Variants in ZDHHC8 observed in about 807,000 individuals in gnomAD.
ZDHHC8 encodes palmitoyltransferase ZDHHC8.
ZDHHC8 carries 24 observed loss-of-function variants against 61.2 expected under a neutral mutation model. That is an observed-to-expected ratio of 0.39 (90% confidence interval 0.28 to 0.55). ZDHHC8 has a LOEUF of 0.55. ZDHHC8 is among the 20% of genes least tolerant of loss of function. The pLI is 0.60. For missense variants in ZDHHC8, 935 were observed against 1,102.1 expected (o/e 0.85, Z 2.15); for synonymous variants, 523 against 492.5 (o/e 1.06, Z -0.82).
Position 20,142,984 on chromosome 22 carries a change from C to A in ZDHHC8, c.1354C>A (p.Arg452Ser). Reference protein sequence around the residue: ...GGDHVALQPLRSEGGPPTPHR... With the variant: ...GGDHVALQPLSSEGGPPTPHR... ...GGATCATGTGGCCCTGCAGCCCCTG[C>A]GCTCTGAGGGGGGGCCCCCCACGCC... Residue 452 changes from arginine to serine, a missense_variant, in exon 10 of 11, where the codon CGC becomes AGC. Physicochemically the swap from Arg to Ser is moderately radical, Grantham distance 110 (BLOSUM62 -1). This residue lies in a region of ZDHHC8 where 692 missense variants were observed against 731.4 expected (regional missense o/e 0.95). Transcript: ENST00000334554. The A allele has an allele frequency of 1.6e-5, 25 of 1,605,106 alleles. No homozygotes were observed. Among genetic ancestry groups the A allele is most frequent in the Non-Finnish European group, 2.0e-5 (24 of 1,174,966 alleles).
chr22:20,133,707 G>A (rs2050397176), intron 1 of ZDHHC8, among the ~76,000 whole-genome samples: 1 of 139,488 alleles, frequency 7.2e-6, no homozygotes, highest in South Asian at 2.2e-4. Context: ...GGGTGACAGA[G>A]CAAGACTCTG....
intron 1 of ZDHHC8, among the ~76,000 whole-genome samples, chr22:20,133,138 G>A (rs1235495494): frequency 6.6e-6 from 1 of 152,262 alleles, no homozygotes; most frequent in Non-Finnish European, 1.5e-5. Context: ...GGCTGGGGCT[G>A]GGTGGGCACC....
At position 20,142,823 on chromosome 22, in the gene ZDHHC8, C is replaced by T. The variant is rs1321719679; in HGVS notation, c.1193C>T (p.Pro398Leu). 7 of 1,612,720 alleles carry T rather than the reference C, an allele frequency of 4.3e-6. No individual in the cohort carries two copies. Among genetic ancestry groups the T allele is most frequent in the Admixed American group, 1.7e-5 (1 of 60,008 alleles). Residue 398 changes from proline to leucine, a missense_variant, in exon 10 of 11, where the codon CCG (proline) becomes CTG (leucine). By Grantham distance (98) the Pro-to-Leu change is moderately conservative. Coordinates refer to ENST00000334554, the MANE Select transcript of ZDHHC8 (RefSeq NM_013373.4). ...CGTAGCCTGGACTTTGTGTCCGAGC[C>T]GAGCCTGGACCTCCCTGACTATGGG... Reference protein sequence around the residue: ...SIRSLDFVSEPSLDLPDYGPG... With the variant: ...SIRSLDFVSELSLDLPDYGPG...
Position 20,145,489 on chromosome 22 carries a change from G to A in ZDHHC8, c.*89G>A. The A allele has an allele frequency of 7.4e-7, 1 of 1,345,594 alleles. No individual in the cohort carries two copies. The highest frequency in any genetic ancestry group is 9.5e-7 in the Non-Finnish European group (1 of 1,048,834). 83.4% of individuals were successfully genotyped at this position (1,345,594 alleles called of 1,614,324 possible). ...TCCCCACCAACTTCTCTGCCCCAGG[G>A]ACCCGAGGCCACCCCAGCCTGGTGT... is the stretch of plus-strand genomic sequence containing the variant. On this transcript the variant is annotated 3_prime_UTR_variant, in exon 11 of 11. Coordinates refer to ENST00000334554, the MANE Select transcript of ZDHHC8 (RefSeq NM_013373.4).
chr22:20,145,339 G>T lies in ZDHHC8; in HGVS notation c.2237G>T (p.Arg746Leu). 1 of 1,592,964 alleles carries T rather than the reference G, an allele frequency of 6.3e-7. No homozygotes were observed. Among genetic ancestry groups the T allele is most frequent in the Non-Finnish European group, 8.5e-7 (1 of 1,171,050 alleles). ...GPPGPSASPT[R>L]HTLVKKVSGV... Reference sequence around the variant, plus strand: ...CCAGGGCCCTCTGCCAGCCCTACACGGCACACGCTGGTTAAGAAGGTGTCC... The same window carrying T: ...CCAGGGCCCTCTGCCAGCCCTACACTGCACACGCTGGTTAAGAAGGTGTCC... The change falls in exon 11 of 11, where the codon CGG becomes CTG. Residue 746 changes from arginine (R) to leucine (L), a missense_variant. By Grantham distance (102) the Arg-to-Leu change is moderately radical. Around this residue, in one of 3 missense-constraint regions of ZDHHC8, gnomAD observed 692 missense variants for 731.4 expected, o/e 0.95. Transcript: ENST00000334554.
intron 1 of ZDHHC8, among the ~76,000 whole-genome samples, chr22:20,138,870 C>G (rs1007057547): frequency 6.6e-6 from 1 of 152,146 alleles, no homozygotes; most frequent in Non-Finnish European, 1.5e-5. Flanking sequence ...ACCGCCCCCG[C>G]CCCCTACCCC....
In ZDHHC8 at chr22:20,142,830, G is replaced by A. The variant is rs143689105; in HGVS notation, c.1200G>A (p.Leu400=). The change falls in exon 10 of 11, where the codon CTG becomes CTA. Residue 400 remains leucine (L), a synonymous_variant. Transcript: ENST00000334554. ...TGGACTTTGTGTCCGAGCCGAGCCT[G>A]GACCTCCCTGACTATGGGCCAGGGG... The part of the protein sequence containing the change: ...RSLDFVSEPS[L]DLPDYGPGGL... The A allele has an allele frequency of 2.4e-4, 380 of 1,612,748 alleles. 2 individuals are homozygous for A. The African/African-American group carries it at 4.5e-3, about 19-fold the overall frequency.
rs891899291 is a variant in ZDHHC8, at chr22:20,146,073, G to A, written c.*673G>A. 4 of 985,760 alleles carry A rather than the reference G, an allele frequency of 4.1e-6. No homozygotes were observed. In the East Asian group the frequency reaches 4.5e-4, roughly 112 times the overall value. 61.1% of individuals were successfully genotyped at this position (985,760 alleles called of 1,614,324 possible). A position where few individuals can be genotyped will look rare whatever the true frequency, so the allele number is the denominator to read the frequency against. On this transcript the variant is annotated 3_prime_UTR_variant, in exon 11 of 11. Coordinates refer to ENST00000334554, the MANE Select transcript of ZDHHC8 (RefSeq NM_013373.4). ...GCCGCGCCGTGTCTGATGTGTCAGT[G>A]CTCCGGCCGCCGCTGTCCCTTTCAT... is the stretch of plus-strand genomic sequence containing the variant.
chr22:20,146,612 A>C lies in ZDHHC8; in HGVS notation c.*1212A>C. ...CATTTCTGCCGACTTGGGCTGAGTC[A>C]GAGGCTTGGGAAGAGGGGGCGGCCG... On this transcript the variant is annotated 3_prime_UTR_variant, in exon 11 of 11. Coordinates refer to ENST00000334554, the MANE Select transcript of ZDHHC8 (RefSeq NM_013373.4). 1.0e-6 allele frequency: 1 copy of C among 999,252 alleles called. No homozygotes were observed. The highest frequency in any genetic ancestry group is 1.2e-6 in the Non-Finnish European group (1 of 839,614). The allele number at this position is 999,252 out of a possible 1,614,324, so 61.9% of individuals were successfully genotyped here.
intron 7 of ZDHHC8, 24 bp from the exon 8 acceptor site, chr22:20,141,193 A>G: frequency 6.2e-7 from 1 of 1,602,812 alleles, no homozygotes; most frequent in South Asian, 1.1e-5. Context: ...AGCCCCACAC[A>G]CCACTGACCC....
Position 20,143,123 on chromosome 22 carries a change from C to T in ZDHHC8, c.1493C>T (p.Ala498Val). ...GGCCACGCCTGCCCTGCCCACCCAG[C>T]AGTTGGCGTGGCCGGATACCACTCA... ...PGGHACPAHP[A>V]VGVAGYHSPY... Residue 498 changes from alanine to valine, a missense_variant, in exon 10 of 11, where the codon GCA (alanine) becomes GTA (valine). Ala to Val is a moderately conservative substitution (Grantham distance 64, BLOSUM62 0). This residue lies in a region of ZDHHC8 where 692 missense variants were observed against 731.4 expected (regional missense o/e 0.95). Transcript: ENST00000334554. 6.2e-7 allele frequency: 1 copy of T among 1,612,236 alleles called. No homozygotes were observed. Among genetic ancestry groups the T allele is most frequent in the Non-Finnish European group, 8.5e-7 (1 of 1,179,852 alleles).
At chr22:20,134,655 G>A (rs1472846455) in intron 1 of ZDHHC8, among the ~76,000 whole-genome samples, 1 of 152,256 alleles carries the variant, frequency 6.6e-6, no homozygotes, top group African/African-American at 2.4e-5. Context: ...CAGTAAACAT[G>A]AGTTGCTGCC....
At chr22:20,138,179 T>C (rs116846796) in intron 1 of ZDHHC8, among the ~76,000 whole-genome samples, 6,430 of 152,292 alleles carry the variant, frequency 0.042, 181 homozygotes, top group South Asian at 0.095. Flanking sequence ...CTAGTGGCCA[T>C]AGAGGTCAGG....
chr22:20,143,371 G>A lies in ZDHHC8; in HGVS notation c.1741G>A (p.Ala581Thr), dbSNP rs755035531. 25 of 1,584,290 alleles carry A rather than the reference G, an allele frequency of 1.6e-5. No individual in the cohort carries two copies. The highest frequency in any genetic ancestry group is 9.4e-5 in the African/African-American group (7 of 74,438). ...SLFGDSGVYDAPSSYSLQQAS... is the reference protein window; with the variant it reads ...SLFGDSGVYDTPSSYSLQQAS... ...CTTCGGCGACTCAGGCGTCTATGAC[G>A]CTCCCAGCTCCTACAGCCTGCAGCA... The change falls in exon 10 of 11, where the codon GCT becomes ACT. Residue 581 changes from alanine (A) to threonine (T), a missense_variant. Physicochemically the swap from Ala to Thr is moderately conservative, Grantham distance 58 (BLOSUM62 0). Transcript: ENST00000334554.
intron 7 of ZDHHC8, 75 bp downstream of exon 7, chr22:20,141,087 A>G: frequency 6.3e-7 from 1 of 1,599,584 alleles, no homozygotes; most frequent in South Asian, 1.1e-5. Context: ...GTGGGGGCCT[A>G]GAAGAGGTGG....
rs368880536 is a variant in ZDHHC8, at chr22:20,139,539, G to A, written c.288G>A (p.Val96=). The change falls in exon 3 of 11, where the codon GTG becomes GTA. Residue 96 remains valine, a synonymous_variant. Coordinates refer to ENST00000334554, the MANE Select transcript of ZDHHC8 (RefSeq NM_013373.4). ...FRAPLYKNVD[V]RGIQVRMKWC... Reference sequence around the variant, plus strand: ...CTCCGCTGTACAAGAACGTGGATGTGCGAGGTATCCAGGTCCGCATGAAGT... The same window carrying A: ...CTCCGCTGTACAAGAACGTGGATGTACGAGGTATCCAGGTCCGCATGAAGT... 4.3e-6 allele frequency: 7 copies of A among 1,613,538 alleles called. No homozygotes were observed. Among genetic ancestry groups the A allele is most frequent in the South Asian group, 1.1e-5 (1 of 91,086 alleles).
Position 20,141,476 on chromosome 22 carries a change from T to C in ZDHHC8, c.1071T>C (p.Phe357=), listed in dbSNP as rs1362465090. The change falls in exon 9 of 11, where the codon TTT becomes TTC. Residue 357 remains phenylalanine (F), a synonymous_variant. Transcript: ENST00000334554. ...TSPPTPAMYK[F]RPAFPTGPKV... is the part of the protein sequence containing the mutation. Reference sequence around the variant, plus strand: ...CCCCGACACCTGCCATGTACAAGTTTAGGCCGGCTTTCCCCACGGGTCCCA... The same window carrying C: ...CCCCGACACCTGCCATGTACAAGTTCAGGCCGGCTTTCCCCACGGGTCCCA... The C allele has an allele frequency of 1.9e-6, 3 of 1,613,144 alleles. No homozygotes were observed. The highest frequency in any genetic ancestry group is 4.5e-5 in the East Asian group (2 of 44,888).
chr22:20,147,335 T>G lies in ZDHHC8; in HGVS notation c.*1935T>G. The G allele has an allele frequency of 8.6e-7, 1 of 1,162,652 alleles. No individual in the cohort carries two copies. The highest frequency in any genetic ancestry group is 1.9e-5 in the South Asian group (1 of 53,204). The allele number at this position is 1,162,652 out of a possible 1,614,324, so 72.0% of individuals were successfully genotyped here. A position where few individuals can be genotyped will look rare whatever the true frequency, so the allele number is the denominator to read the frequency against. On this transcript the variant is annotated 3_prime_UTR_variant, in exon 11 of 11. Coordinates refer to ENST00000334554, the MANE Select transcript of ZDHHC8 (RefSeq NM_013373.4). ...GGGCAGGGCTGGGGGTGGGCTGGGC[T>G]CTCTGCTCCACCAGCCACAGCTTGA...
chr22:20,143,690 GC>G lies in ZDHHC8; in HGVS notation c.2064del (p.Ala690LeufsTer16). 1 of 1,610,238 alleles carries G rather than the reference GC, an allele frequency of 6.2e-7. No individual in the cohort carries two copies. The highest frequency in any genetic ancestry group is 1.7e-4 in the Middle Eastern group (1 of 5,790). On this transcript the variant is annotated frameshift_variant, in exon 10 of 11. Transcript: ENST00000334554. LOFTEE classifies it high-confidence loss of function. ...ACTCCCCACTCACCATCCTACGCGG[GC>G]CCCAAAGCTGTCGCCTTCATCCACA... ...PGTPHSPSYAGPKAVAFIHTD... is the reference protein window; with the variant it reads ...PGTPHSPSYAXPKAVAFIHTD...
Sources: allele counts gnomAD v4.1 joint callset (sites outside exome capture counted in the v4.1 genomes callset), GRCh38; gene constraint gnomAD v4.1.1; regional missense constraint gnomAD v4.1.1; transcripts MANE v1.5; gene names NCBI Gene and HGNC (gene_info 2026-07-23, HGNC 2026-07-21).